The following RBFOX1 variants were observed in gnomAD, a reference collection of about 807,000 sequenced individuals.
RBFOX1 encodes the protein RNA binding protein fox-1 homolog 1.
A neutral mutation model predicts 57.7 loss-of-function variants in RBFOX1; 8 were observed. That is an observed-to-expected ratio of 0.14 (90% CI 0.08 to 0.25). The LOEUF is 0.25. RBFOX1 is among the 10% of genes least tolerant of loss of function. The probability of loss-of-function intolerance (pLI) is 1.00; values close to 1 mark genes in which losing one functional copy is unlikely to be tolerated. For missense variants in RBFOX1, 611 were observed against 548.5 expected (o/e 1.11, Z -1.14); for synonymous variants, 326 against 222.4 (o/e 1.47, Z -4.15).
chr16:7,226,340 G>A (rs1025790636), intron 4 of RBFOX1, among the ~76,000 whole-genome samples: 1 of 152,204 alleles, frequency 6.6e-6, no homozygotes, highest in African/African-American at 2.4e-5. Flanking sequence ...TCAAAGAAGT[G>A]CAGTGTGTAA....
intron 1 of RBFOX1, among the ~76,000 whole-genome samples, chr16:6,267,504 A>G (rs1233860061): frequency 6.6e-6 from 1 of 152,212 alleles, no homozygotes; most frequent in African/African-American, 2.4e-5. Context: ...AATGGAATCC[A>G]GTTGATTCCT....
intron 3 of RBFOX1, among the ~76,000 whole-genome samples, chr16:6,913,839 CGTAATT>C (rs1567851969): frequency 6.6e-6 from 1 of 152,150 alleles, no homozygotes; most frequent in Non-Finnish European, 1.5e-5. Context: ...CTGCATGTGG[CGTAATT>C]GTATTTTCAG....
chr16:5,343,237 C>T (rs1198722915), intron 1 of RBFOX1, among the ~76,000 whole-genome samples: 1 of 150,574 alleles, frequency 6.6e-6, no homozygotes, highest in Non-Finnish European at 1.5e-5. Flanking sequence ...ACCTAAAGTC[C>T]TACTTCTGTA....
chr16:5,641,007 A>C, intron 3 of RBFOX1, among the ~76,000 whole-genome samples: 1 of 151,718 alleles, frequency 6.6e-6, no homozygotes, highest in East Asian at 1.9e-4. Flanking sequence ...ATATGCACAC[A>C]CATACATGCA....
chr16:6,941,763 G>C (rs2078561202), intron 3 of RBFOX1, among the ~76,000 whole-genome samples: 1 of 152,176 alleles, frequency 6.6e-6, no homozygotes, highest in Non-Finnish European at 1.5e-5. Context: ...CCAAGCAAGA[G>C]GTAGAAGGCA....
intron 1 of RBFOX1, among the ~76,000 whole-genome samples, chr16:5,352,152 A>G (rs920141699): frequency 2.0e-4 from 30 of 151,982 alleles, no homozygotes; most frequent in Non-Finnish European, 4.3e-4. Context: ...GGTCTGTTTG[A>G]TCTTTTTCAA....
chr16:6,900,375 T>C (rs568743178), intron 3 of RBFOX1, among the ~76,000 whole-genome samples: 53 of 152,310 alleles, frequency 3.5e-4, no homozygotes, highest in African/African-American at 1.2e-3. Context: ...GTAACCTCTA[T>C]CCATGCTCCC....
At chr16:6,463,346 C>G (rs775177776) in intron 2 of RBFOX1, among the ~76,000 whole-genome samples, 4 of 152,122 alleles carry the variant, frequency 2.6e-5, no homozygotes, top group Non-Finnish European at 5.9e-5. Flanking sequence ...TAACTCAGGT[C>G]AACTATTTAT....
chr16:6,796,479 A>G (rs1473507448), intron 3 of RBFOX1, among the ~76,000 whole-genome samples: 5 of 152,080 alleles, frequency 3.3e-5, no homozygotes, highest in Non-Finnish European at 1.5e-5. Flanking sequence ...CCACTATATC[A>G]TTTTCCATTT....
intron 3 of RBFOX1, among the ~76,000 whole-genome samples, chr16:5,805,887 G>A (rs752057487): frequency 6.6e-6 from 1 of 152,146 alleles, no homozygotes; most frequent in Non-Finnish European, 1.5e-5. Flanking sequence ...ATGGTTTCAG[G>A]GCACAGAATA....
At chr16:6,798,116 G>A (rs531811569) in intron 3 of RBFOX1, among the ~76,000 whole-genome samples, 2 of 152,134 alleles carry the variant, frequency 1.3e-5, no homozygotes, top group South Asian at 2.1e-4. Flanking sequence ...CATCTAGCAC[G>A]CATTTAATAA....
intron 3 of RBFOX1, among the ~76,000 whole-genome samples, chr16:7,041,104 T>TTTC (rs1167052700): frequency 4.1e-5 from 6 of 147,790 alleles, no homozygotes; most frequent in Non-Finnish European, 3.0e-5. Flanking sequence ...TTTTTTTTTT[T>TTTC]TTTGTATTTT....
intron 2 of RBFOX1, among the ~76,000 whole-genome samples, chr16:5,573,833 A>C (rs2046364764): frequency 6.6e-6 from 1 of 152,116 alleles, no homozygotes. Flanking sequence ...GTGTGCCTGT[A>C]GTCCCAGCTA....
chr16:5,639,688 C>G (rs2048798820), intron 3 of RBFOX1, among the ~76,000 whole-genome samples: 1 of 152,182 alleles, frequency 6.6e-6, no homozygotes, highest in Non-Finnish European at 1.5e-5. Flanking sequence ...ATGCACATGC[C>G]TACCAGGCTG....
intron 3 of RBFOX1, among the ~76,000 whole-genome samples, chr16:6,821,633 G>A (rs934478343): frequency 2.6e-5 from 4 of 152,242 alleles, no homozygotes; most frequent in African/African-American, 4.8e-5. Flanking sequence ...TACATAAATC[G>A]TACAACACGT....
intron 2 of RBFOX1, among the ~76,000 whole-genome samples, chr16:6,603,188 G>A (rs570570836): frequency 1.3e-5 from 2 of 152,284 alleles, no homozygotes; most frequent in South Asian, 4.1e-4. Flanking sequence ...CATGCCTTAA[G>A]AACAAGATTG....
At chr16:5,606,008 A>T (rs188752656) in intron 3 of RBFOX1, among the ~76,000 whole-genome samples, 1 of 152,186 alleles carries the variant, frequency 6.6e-6, no homozygotes, top group East Asian at 1.9e-4. Flanking sequence ...CTTCCCTGGC[A>T]TCCTTGGCAT....
intron 3 of RBFOX1, among the ~76,000 whole-genome samples, chr16:5,757,229 G>A (rs149081185): frequency 1.4e-5 from 2 of 143,120 alleles, no homozygotes; most frequent in African/African-American, 5.3e-5. Context: ...TTTGGTTTTT[G>A]TGTTTTTTTT....
chr16:5,514,453 C>G (rs530999262), intron 2 of RBFOX1, among the ~76,000 whole-genome samples: 35 of 152,236 alleles, frequency 2.3e-4, no homozygotes, highest in Non-Finnish European at 4.1e-4. Context: ...CAAACCTCAT[C>G]ATAAGGCCAG....
Sources: gnomAD v4.1 joint callset for allele counts (sites outside exome capture counted in the v4.1 genomes callset) on GRCh38, gnomAD v4.1.1 for gene constraint, MANE v1.5 for transcripts, NCBI Gene and HGNC (gene_info 2026-07-23, HGNC 2026-07-21) for gene names.